OPRM1: variants seen among roughly 807,000 people sequenced by gnomAD.
The protein encoded by OPRM1 is mu-type opioid receptor.
OPRM1 carries 27 observed loss-of-function variants against 31.8 expected under a neutral mutation model. The observed-to-expected ratio is 0.85, with a 90% CI of 0.63 to 1.17. OPRM1 has a LOEUF of 1.17. OPRM1 is among the 50% of genes most tolerant of loss of function. OPRM1 has a pLI of 0.00. For missense variants in OPRM1, 536 were observed against 511.1 expected, an observed-to-expected ratio of 1.05 and a Z score of -0.47; for synonymous variants, 196 against 189.9, an observed-to-expected ratio of 1.03 and a Z score of -0.26.
intron 1 of OPRM1, among the ~76,000 whole-genome samples, chr6:154,042,931 G>GA (rs1054364635): frequency 6.6e-6 from 1 of 151,718 alleles, no homozygotes; most frequent in Non-Finnish European, 1.5e-5. Context: ...GAACTGTAAA[G>GA]AAAAAAAATC....
At chr6:154,200,077 G>T (rs1402696199) in intron 3 of OPRM1, 1 of 1,544,900 alleles carries the variant, frequency 6.5e-7, no homozygotes, top group Admixed American at 2.0e-5. Context: ...AAGAATAAAA[G>T]ACATCATGAT....
At chr6:154,205,941 T>G (rs573710082) in intron 3 of OPRM1, among the ~76,000 whole-genome samples, 1 of 152,206 alleles carries the variant, frequency 6.6e-6, no homozygotes, top group South Asian at 2.1e-4. Context: ...TACCTGGCTA[T>G]GCTGCAGCCT....
chr6:154,192,239 A>G (rs1031287657), intron 3 of OPRM1, among the ~76,000 whole-genome samples: 26 of 151,144 alleles, frequency 1.7e-4, no homozygotes, highest in Non-Finnish European at 8.8e-5. Context: ...ATGGGTGAGC[A>G]CTCTCAATAC....
chr6:154,113,725 C>T (rs1796576233), intron 3 of OPRM1, among the ~76,000 whole-genome samples: 1 of 152,154 alleles, frequency 6.6e-6, no homozygotes, highest in Non-Finnish European at 1.5e-5. Flanking sequence ...ATTTTCTGAT[C>T]CCACAGCACA....
At chr6:154,157,663 A>G (rs1798770165) in intron 3 of OPRM1, 1 of 152,252 alleles carries the variant, frequency 6.6e-6, no homozygotes, top group East Asian at 1.9e-4. Flanking sequence ...CAATTTAAGA[A>G]AAACTGGAAG....
rs183580914 is a variant in OPRM1 at position 154,119,394 on chromosome 6, T to C, written c.*673T>C. On this transcript the variant is annotated 3_prime_UTR_variant, in exon 4 of 4. Coordinates refer to ENST00000330432, the MANE Select transcript of OPRM1 (RefSeq NM_000914.5). ...TGTAGAAAGGTTGATTCTCATGCAC[T>C]GCAAATACTTCCAAAGAGTCATCAT... 40 of 985,386 alleles carry C rather than the reference T, an allele frequency of 4.1e-5. No individual in the cohort carries two copies. The African/African-American group carries it at 6.6e-4, about 16-fold the overall frequency. The allele number at this position is 985,386 out of a possible 1,614,324, so 61.0% of individuals were successfully genotyped here.
chr6:154,118,710 C>G lies in OPRM1; in HGVS notation c.1192C>G (p.Pro398Ala). 5.6e-6 allele frequency: 9 copies of G among 1,613,280 alleles called. No homozygotes were observed. The highest frequency in any genetic ancestry group is 6.8e-6 in the Non-Finnish European group (8 of 1,179,548). Residue 398 changes from proline to alanine, a missense_variant, in exon 4 of 4, where the codon CCG (proline) becomes GCG (alanine). Pro to Ala is a conservative substitution (Grantham distance 27). Coordinates refer to ENST00000330432, the MANE Select transcript of OPRM1 (RefSeq NM_000914.5). ...QLENLEAETA[P>A]LP The stretch of plus-strand genomic sequence containing the variant: ...AGAAAATCTGGAAGCAGAAACTGCT[C>G]CGTTGCCCTAACAGGGTCTCATGCC...
At chr6:154,150,507 C>G (rs147325945) in intron 3 of OPRM1, among the ~76,000 whole-genome samples, 1 of 152,306 alleles carries the variant, frequency 6.6e-6, no homozygotes, top group East Asian at 1.9e-4. Flanking sequence ...TGGGAGTGAG[C>G]CTAGCAAGGC....
At chr6:154,101,178 C>G (rs1794778792) in intron 3 of OPRM1, among the ~76,000 whole-genome samples, 1 of 152,010 alleles carries the variant, frequency 6.6e-6, no homozygotes. Flanking sequence ...TGAGATATGA[C>G]TACTGTACAT....
intron 1 of OPRM1, among the ~76,000 whole-genome samples, chr6:154,067,768 C>T (rs1358375748): frequency 6.6e-6 from 1 of 151,850 alleles, no homozygotes; most frequent in African/African-American, 2.4e-5. Flanking sequence ...TACCTCCTTC[C>T]CTCTTCAATT....
intron 3 of OPRM1, among the ~76,000 whole-genome samples, chr6:154,207,403 A>G (rs903297679): frequency 6.6e-6 from 1 of 152,198 alleles, no homozygotes; most frequent in African/African-American, 2.4e-5. Context: ...AGAATTTTTC[A>G]CCCAACTATC....
chr6:154,027,480 C>T (rs1778763336), intron 1 of OPRM1, among the ~76,000 whole-genome samples: 1 of 152,204 alleles, frequency 6.6e-6, no homozygotes, highest in Non-Finnish European at 1.5e-5. Context: ...AATTCCCTGG[C>T]TGTGGCCTAT....
At chr6:154,175,047 C>T (rs1023643860) in intron 3 of OPRM1, among the ~76,000 whole-genome samples, 18 of 152,206 alleles carry the variant, frequency 1.2e-4, no homozygotes, top group Admixed American at 1.2e-3. Flanking sequence ...TACATGGAAA[C>T]TGAACAACCT....
intron 1 of OPRM1, among the ~76,000 whole-genome samples, chr6:154,014,220 G>A (rs1258626268): frequency 6.6e-6 from 1 of 152,182 alleles, no homozygotes; most frequent in Non-Finnish European, 1.5e-5. Flanking sequence ...AATGATGGAA[G>A]TGTGGTAGAA....
intron 3 of OPRM1, among the ~76,000 whole-genome samples, chr6:154,219,373 G>C (rs1192705654): frequency 6.6e-6 from 1 of 152,134 alleles, no homozygotes; most frequent in Non-Finnish European, 1.5e-5. Context: ...GGGAAGGACG[G>C]GCCAAGGATG....
chr6:154,223,986 C>G (rs1042900248), intron 3 of OPRM1, among the ~76,000 whole-genome samples: 5 of 152,078 alleles, frequency 3.3e-5, no homozygotes, highest in African/African-American at 4.8e-5. Flanking sequence ...AATCACTGTC[C>G]CACCTCTCTA....
At chr6:154,105,176 A>G (rs1465617437) in intron 3 of OPRM1, among the ~76,000 whole-genome samples, 1 of 152,260 alleles carries the variant, frequency 6.6e-6, no homozygotes, top group Non-Finnish European at 1.5e-5. Context: ...CCATAAGTTA[A>G]GAATACTCAC....
At chr6:154,202,046 C>T (rs1400049989) in intron 3 of OPRM1, among the ~76,000 whole-genome samples, 1 of 152,172 alleles carries the variant, frequency 6.6e-6, no homozygotes, top group Admixed American at 6.5e-5. Context: ...TCAATATGGT[C>T]CCCAGGAAAT....
At chr6:154,116,868 T>C (rs1422777627) in intron 3 of OPRM1, among the ~76,000 whole-genome samples, 1 of 152,128 alleles carries the variant, frequency 6.6e-6, no homozygotes, top group Non-Finnish European at 1.5e-5. Context: ...CTGGACTTCT[T>C]TCCTTTCTCT....
Sources: gnomAD v4.1 joint callset for allele counts (sites outside exome capture counted in the v4.1 genomes callset) on GRCh38, gnomAD v4.1.1 for gene constraint, MANE v1.5 for transcripts, NCBI Gene and HGNC (gene_info 2026-07-23, HGNC 2026-07-21) for gene names.